USP15: variants seen among roughly 807,000 people sequenced by gnomAD.
The protein encoded by USP15 is ubiquitin specific peptidase 15.
A neutral mutation model predicts 127.1 loss-of-function variants in USP15; 18 were observed. That is an observed-to-expected ratio of 0.14 (90% CI 0.10 to 0.21). The LOEUF is 0.21. Among genes scored for constraint, USP15 ranks in the 10% least tolerant of loss-of-function variants. The pLI, the probability that USP15 is intolerant of heterozygous loss-of-function variation, is 1.00. For synonymous variants in USP15, 364 were observed against 393.7 expected (o/e 0.92, Z 0.89); for missense variants, 805 against 1,159.9 (o/e 0.69, Z 4.44).
At chr12:62,279,247 G>A (rs1279684126) in intron 1 of USP15, 2 of 152,190 alleles carry the variant, frequency 1.3e-5, no homozygotes, top group East Asian at 3.9e-4. Flanking sequence ...GAATCATGCA[G>A]GATTTGTCTT....
At position 62,408,509 on chromosome 12, in the gene USP15, A is replaced by C. The variant is rs1244513359; in HGVS notation, c.*4134A>C. On this transcript the variant is annotated 3_prime_UTR_variant, in exon 22 of 22. Coordinates refer to ENST00000280377, the MANE Select transcript of USP15 (RefSeq NM_001252078.2). ...AAGAGCTCCTTTCTAGGGCCATAGA[A>C]TAAGAGTAGAAGTTTTTGCTCATTT... is the stretch of plus-strand genomic sequence containing the variant. 6.6e-6 allele frequency: 1 copy of C among 152,168 alleles called. No homozygotes were observed. Among genetic ancestry groups the C allele is most frequent in the African/African-American group, 2.4e-5 (1 of 41,450 alleles). The allele number at this position is 152,168 out of a possible 1,614,324, so 9.4% of individuals were successfully genotyped here.
chr12:62,292,004 C>T (rs950836653), intron 1 of USP15, among the ~76,000 whole-genome samples: 4 of 152,154 alleles, frequency 2.6e-5, no homozygotes, highest in Non-Finnish European at 5.9e-5. Flanking sequence ...GTGGGGTTTA[C>T]GCTTGACCTT....
intron 4 of USP15, among the ~76,000 whole-genome samples, chr12:62,320,768 A>T (rs2064962954): frequency 6.6e-6 from 1 of 151,952 alleles, no homozygotes; most frequent in African/African-American, 2.4e-5. Flanking sequence ...TATTTTATAA[A>T]TTTTTTCAAA....
At chr12:62,338,906 T>G (rs550080557) in intron 6 of USP15, among the ~76,000 whole-genome samples, 5 of 152,310 alleles carry the variant, frequency 3.3e-5, no homozygotes, top group African/African-American at 1.2e-4. Context: ...GGTAGTGTGA[T>G]GCCTCCAGCT....
intron 8 of USP15, among the ~76,000 whole-genome samples, chr12:62,359,465 A>C (rs1172846837): frequency 3.3e-5 from 5 of 152,172 alleles, no homozygotes; most frequent in Non-Finnish European, 7.3e-5. Flanking sequence ...TGATGGTTTT[A>C]ACTCGTAGGA....
At chr12:62,389,743 T>A in intron 13 of USP15, 44 bp downstream of exon 13, 6 of 1,596,792 alleles carry the variant, frequency 3.8e-6, no homozygotes, top group Non-Finnish European at 5.1e-6. Flanking sequence ...TGAAAAAAAA[T>A]TAATAGAAGT....
chr12:62,266,494 C>G (rs2063195521), intron 1 of USP15, among the ~76,000 whole-genome samples: 1 of 152,024 alleles, frequency 6.6e-6, no homozygotes, highest in African/African-American at 2.4e-5. Context: ...GTGGAAGATA[C>G]AATGATAATA....
In USP15 at chr12:62,344,567, G is replaced by A. The variant is rs575042945; in HGVS notation, c.684-4654G>A. ...CCATTCTGGGGTCTGGAGGACAGCGGCCCTCTTCTCACAGCTCCAGTAGGT... is the reference window on the plus strand; with the variant it reads ...CCATTCTGGGGTCTGGAGGACAGCGACCCTCTTCTCACAGCTCCAGTAGGT... On this transcript the variant is annotated intron_variant, in intron 6 of 21. Transcript: ENST00000280377. 1.1e-4 allele frequency among the ~76,000 whole-genome samples: 16 copies of A among 152,316 alleles called. No homozygotes were observed. The East Asian group carries it at 3.1e-3, about 29-fold the overall frequency.
intron 6 of USP15, among the ~76,000 whole-genome samples, chr12:62,341,714 T>C (rs1214214620): frequency 6.6e-6 from 1 of 152,216 alleles, no homozygotes; most frequent in African/African-American, 2.4e-5. Flanking sequence ...GCCCCCACTC[T>C]CTTCTGGCTT....
intron 9 of USP15, 23 bp downstream of exon 9, chr12:62,381,686 AGCAAGGGTACCT>A (rs1481124357): frequency 6.3e-7 from 1 of 1,596,344 alleles, no homozygotes; most frequent in African/African-American, 1.3e-5. Context: ...AATGCATTTT[AGCAAGGGTACCT>A]GCAAGGGTAC....
chr12:62,347,964 G>T (rs1388038547), intron 6 of USP15, among the ~76,000 whole-genome samples: 1 of 152,154 alleles, frequency 6.6e-6, no homozygotes, highest in African/African-American at 2.4e-5. Context: ...TGCTTTGGGA[G>T]GCTGAGGCAA....
intron 18 of USP15, 152 bp from the exon 19 acceptor site, chr12:62,392,901 A>C (rs763428312): frequency 5.6e-6 from 4 of 709,186 alleles, no homozygotes; most frequent in Non-Finnish European, 8.8e-6. Context: ...AATAAAAATA[A>C]TAAGAGTTGC....
Position 62,293,381 on chromosome 12 carries a change from G to A in USP15, c.90-798G>A, listed in dbSNP as rs924942786. On this transcript the variant is annotated intron_variant, in intron 1 of 21. Coordinates refer to ENST00000280377, the MANE Select transcript of USP15 (RefSeq NM_001252078.2). ...GTAATTTTGGTTCTTTTTTGAGACC[G>A]AGTCTCTCTCTGTCGCCCAGGCTGG... 2.0e-5 allele frequency among the ~76,000 whole-genome samples: 3 copies of A among 152,048 alleles called. 1 individual carries two copies. The highest frequency in any genetic ancestry group is 7.2e-5 in the African/African-American group (3 of 41,462).
chr12:62,288,182 G>A (rs996831608), intron 1 of USP15, among the ~76,000 whole-genome samples: 1 of 151,952 alleles, frequency 6.6e-6, no homozygotes, highest in Admixed American at 6.6e-5. Flanking sequence ...GCTTTGGGCG[G>A]GGAAGTATGA....
At chr12:62,279,788 G>C (rs1045915766) in intron 1 of USP15, among the ~76,000 whole-genome samples, 19 of 152,080 alleles carry the variant, frequency 1.2e-4, no homozygotes, top group African/African-American at 4.1e-4. Context: ...AGCTGTAATT[G>C]ATTTTTTCCT....
chr12:62,351,005 C>G lies in USP15; in HGVS notation c.770+1698C>G, dbSNP rs1243322200. On this transcript the variant is annotated intron_variant, in intron 7 of 21. Transcript: ENST00000280377. ...AACCATGAAAAACCCCATTTGCTTT[C>G]CCTTACCTCAGTCACATTGGGAAAA... 2.6e-5 allele frequency among the ~76,000 whole-genome samples: 4 copies of G among 152,122 alleles called. No homozygotes were observed. In the East Asian group the frequency reaches 7.7e-4, roughly 29 times the overall value.
At chr12:62,318,402 G>A (rs561040940) in intron 4 of USP15, among the ~76,000 whole-genome samples, 1 of 152,126 alleles carries the variant, frequency 6.6e-6, no homozygotes. Flanking sequence ...TGACCTGCCA[G>A]CAAAGTACAA....
chr12:62,398,305 TTCTG>T (rs1592735763), intron 20 of USP15, among the ~76,000 whole-genome samples: 1 of 152,194 alleles, frequency 6.6e-6, no homozygotes, highest in East Asian at 1.9e-4. Flanking sequence ...TATGTATTTA[TTCTG>T]TCTAATTGAT....
intron 8 of USP15, among the ~76,000 whole-genome samples, chr12:62,369,882 A>G (rs2066604841): frequency 6.6e-6 from 1 of 152,202 alleles, no homozygotes; most frequent in African/African-American, 2.4e-5. Context: ...GTATAATAAC[A>G]TACCAAAAAT....
Sources: allele counts gnomAD v4.1 joint callset (sites outside exome capture counted in the v4.1 genomes callset), GRCh38; gene constraint gnomAD v4.1.1; transcripts MANE v1.5; gene names NCBI Gene and HGNC (gene_info 2026-07-23, HGNC 2026-07-21).